The following MNAT1 variants were observed in gnomAD, a reference collection of about 807,000 sequenced individuals.
MNAT1 encodes CDK-activating kinase assembly factor MAT1.
MNAT1 carries 43 observed loss-of-function variants against 42.0 expected under a neutral mutation model. The ratio of observed to expected loss-of-function variants is 1.02; its 90% CI spans 0.80 to 1.32. MNAT1 has a LOEUF of 1.32. Ranked by LOEUF, MNAT1 falls within the 40% of genes most tolerant of loss-of-function variation. The probability of loss-of-function intolerance (pLI) is 0.00; values close to 1 mark genes in which losing one functional copy is unlikely to be tolerated. For missense variants in MNAT1, 306 were observed against 350.4 expected, an observed-to-expected ratio of 0.87 and a Z score of 1.01; for synonymous variants, 118 against 120.0, an observed-to-expected ratio of 0.98 and a Z score of 0.11.
At chr14:60,831,381 T>C (rs925270100) in intron 6 of MNAT1, among the ~76,000 whole-genome samples, 3 of 152,128 alleles carry the variant, frequency 2.0e-5, no homozygotes, top group Non-Finnish European at 2.9e-5. Flanking sequence ...CCTGTGTCCA[T>C]GTGTTCTCAT....
At chr14:60,806,425 G>A (rs777225796) in intron 3 of MNAT1, among the ~76,000 whole-genome samples, 35 of 152,162 alleles carry the variant, frequency 2.3e-4, no homozygotes, top group Non-Finnish European at 4.9e-4. Context: ...AAGTGTAGGG[G>A]CATACAAATG....
intron 7 of MNAT1, among the ~76,000 whole-genome samples, chr14:60,929,160 AAAAAAAAAAAAT>A (rs2035828294): frequency 1.6e-5 from 2 of 128,448 alleles, no homozygotes. Context: ...AAAAAAAAAA[AAAAAAAAAAAAT>A]ATATATATAT....
At chr14:60,799,125 TA>T in intron 3 of MNAT1, 1 of 441,882 alleles carries the variant, frequency 2.3e-6, no homozygotes, top group Non-Finnish European at 3.0e-6. Context: ...CTCATATGTC[TA>T]AGTTCATTTG....
At chr14:60,942,736 A>G (rs1472212419) in intron 7 of MNAT1, among the ~76,000 whole-genome samples, 1 of 152,168 alleles carries the variant, frequency 6.6e-6, no homozygotes, top group Non-Finnish European at 1.5e-5. Context: ...GACCACTACA[A>G]TGCATTTTAG....
chr14:60,963,824 G>A (rs1253202958), intron 7 of MNAT1, among the ~76,000 whole-genome samples: 1 of 152,146 alleles, frequency 6.6e-6, no homozygotes, highest in African/African-American at 2.4e-5. Flanking sequence ...ATTTGAGGTG[G>A]AGGAAACTAA....
chr14:60,819,544 T>C (rs1258515479), intron 6 of MNAT1, among the ~76,000 whole-genome samples: 1 of 152,154 alleles, frequency 6.6e-6, no homozygotes, highest in Non-Finnish European at 1.5e-5. Flanking sequence ...AAAATGTGGT[T>C]AGAAAAGATA....
intron 7 of MNAT1, among the ~76,000 whole-genome samples, chr14:60,942,443 A>ATT (rs71114169): frequency 0.01 from 1,500 of 143,200 alleles, 5 homozygotes; most frequent in Middle Eastern, 0.018. Flanking sequence ...TTCTCTCTTA[A>ATT]TTTTTTTTTT....
chr14:60,826,697 G>A (rs2033067339), intron 6 of MNAT1, among the ~76,000 whole-genome samples: 1 of 152,046 alleles, frequency 6.6e-6, no homozygotes, highest in Non-Finnish European at 1.5e-5. Context: ...CTACAACTTT[G>A]TTTCTTGGCC....
chr14:60,746,072 C>T (rs1896604540), intron 1 of MNAT1, among the ~76,000 whole-genome samples: 1 of 152,036 alleles, frequency 6.6e-6, no homozygotes, highest in South Asian at 2.1e-4. Flanking sequence ...GAAAGAACAC[C>T]AAATCTCAAG....
chr14:60,788,566 G>C (rs1383608426), intron 1 of MNAT1, among the ~76,000 whole-genome samples: 2 of 152,146 alleles, frequency 1.3e-5, no homozygotes, highest in African/African-American at 4.8e-5. Context: ...CCAATAGAAG[G>C]ATGTTTCATC....
In MNAT1 at chr14:60,900,015, G is replaced by A. The variant is rs147614907; in HGVS notation, c.809+20180G>A. Among the ~76,000 whole-genome samples the A allele has an allele frequency of 7.9e-3, 1,182 of 149,730 alleles. 22 individuals are homozygous for A. The highest frequency in any genetic ancestry group is 0.027 in the African/African-American group (1,119 of 40,752). On this transcript the variant is annotated intron_variant, in intron 7 of 7. Transcript: ENST00000261245. The stretch of plus-strand genomic sequence containing the variant: ...GAAGGTGAAGTTAATAAATGTGTGT[G>A]TTCTGACTGTTCTTCTGACTGGCTG...
intron 7 of MNAT1, among the ~76,000 whole-genome samples, chr14:60,933,363 T>C (rs1282548498): frequency 6.6e-6 from 1 of 152,148 alleles, no homozygotes; most frequent in African/African-American, 2.4e-5. Context: ...ATTTATTTCC[T>C]AATTATTGAA....
intron 4 of MNAT1, 45 bp from the exon 5 acceptor site, chr14:60,811,942 T>A (rs2032557527): frequency 6.7e-7 from 1 of 1,497,444 alleles, no homozygotes; most frequent in East Asian, 2.3e-5. Context: ...TGATTGCTCT[T>A]GGCTCCTAAA....
intron 7 of MNAT1, among the ~76,000 whole-genome samples, chr14:60,960,916 AAG>A (rs2036576061): frequency 6.6e-6 from 1 of 152,134 alleles, no homozygotes; most frequent in Non-Finnish European, 1.5e-5. Flanking sequence ...TGGGCAGCCA[AAG>A]TGGACCATTT....
At position 60,968,688 on chromosome 14, in the gene MNAT1, G is replaced by A; in HGVS notation, c.*339G>A. The stretch of plus-strand genomic sequence containing the variant: ...AGCTATAATTTATATTAAGTTCTGT[G>A]GTTTTTCTCTTATTACAGTGTTTTA... On this transcript the variant is annotated 3_prime_UTR_variant, in exon 8 of 8. Transcript: ENST00000261245. The A allele has an allele frequency of 2.5e-6, 1 of 406,334 alleles. No homozygotes were observed. The highest frequency in any genetic ancestry group is 4.1e-6 in the Non-Finnish European group (1 of 243,132). 25.2% of individuals were successfully genotyped at this position (406,334 alleles called of 1,614,324 possible).
At position 60,740,857 on chromosome 14, in the gene MNAT1, TAA is replaced by T. The variant is rs1365340626; in HGVS notation, c.89+5907_89+5908del. ...TGTGGTTGTTGGGTGTAGTGTAGTA[TAA>T]GTTATAAACGTGGTACATATTACCA... On this transcript the variant is annotated intron_variant, in intron 1 of 7. Transcript: ENST00000261245. This position sits in a 1 kb window ranked among gnomAD's most constrained non-coding sequence, Gnocchi z 4.1. 1.3e-5 allele frequency among the ~76,000 whole-genome samples: 2 copies of T among 152,312 alleles called. No homozygotes were observed. Among genetic ancestry groups the T allele is most frequent in the East Asian group, 3.9e-4 (2 of 5,186 alleles).
chr14:60,756,650 T>C (rs931709387), intron 1 of MNAT1, among the ~76,000 whole-genome samples: 1 of 152,188 alleles, frequency 6.6e-6, no homozygotes, highest in Admixed American at 6.5e-5. Context: ...AAAGTTTTAG[T>C]GTTACTGGGA....
At chr14:60,799,156 T>C (rs899911001) in intron 3 of MNAT1, 2 of 733,880 alleles carry the variant, frequency 2.7e-6, no homozygotes, top group Non-Finnish European at 1.7e-6. Flanking sequence ...AGCAAAAGCA[T>C]GTGGAAAACA....
At chr14:60,874,328 T>C (rs1463050631) in intron 6 of MNAT1, among the ~76,000 whole-genome samples, 1 of 152,202 alleles carries the variant, frequency 6.6e-6, no homozygotes, top group Non-Finnish European at 1.5e-5. Flanking sequence ...TCCATATTCC[T>C]GTCTCTGCTC....
Sources: allele counts gnomAD v4.1 joint callset (sites outside exome capture counted in the v4.1 genomes callset), GRCh38; gene constraint gnomAD v4.1.1; non-coding constraint Gnocchi (gnomAD v3.1); transcripts MANE v1.5; gene names NCBI Gene and HGNC (gene_info 2026-07-23, HGNC 2026-07-21).